The following CDKAL1 variants were observed in gnomAD, a reference collection of about 807,000 sequenced individuals.
CDKAL1 encodes the protein threonylcarbamoyladenosine tRNA methylthiotransferase.
CDKAL1 carries 32 observed loss-of-function variants against 68.2 expected under a neutral mutation model. The ratio of observed to expected loss-of-function variants is 0.47; its 90% CI spans 0.35 to 0.63. The LOEUF (loss-of-function observed/expected upper bound fraction) is 0.63, where lower values mean the gene tolerates loss of function less well. Among genes scored for constraint, CDKAL1 ranks in the 30% least tolerant of loss-of-function variants. The pLI is 0.00. For synonymous variants in CDKAL1, 234 were observed against 244.3 expected (o/e 0.96, Z 0.39); for missense variants, 606 against 696.7 (o/e 0.87, Z 1.47).
At chr6:20,836,649 A>G (rs187836700) in intron 8 of CDKAL1, among the ~76,000 whole-genome samples, 88 of 152,290 alleles carry the variant, frequency 5.8e-4, no homozygotes, top group Non-Finnish European at 6.8e-4. Flanking sequence ...TTTCCATCCA[A>G]ATGTTTCTGA....
At chr6:20,572,358 T>A (rs1764738603) in intron 4 of CDKAL1, among the ~76,000 whole-genome samples, 1 of 152,150 alleles carries the variant, frequency 6.6e-6, no homozygotes, top group African/African-American at 2.4e-5. Context: ...AGTACATTAC[T>A]TTTACCACCT....
intron 11 of CDKAL1, among the ~76,000 whole-genome samples, chr6:21,000,586 A>G (rs1767377105): frequency 6.6e-6 from 1 of 152,118 alleles, no homozygotes; most frequent in Non-Finnish European, 1.5e-5. Flanking sequence ...ATGACACACC[A>G]TTAATTTGTG....
At chr6:20,666,956 A>G (rs867639596) in intron 5 of CDKAL1, among the ~76,000 whole-genome samples, 1 of 152,062 alleles carries the variant, frequency 6.6e-6, no homozygotes, top group South Asian at 2.1e-4. Context: ...TAACTAACTG[A>G]ACATTCTTTA....
chr6:21,150,933 G>A (rs751496385), intron 13 of CDKAL1, among the ~76,000 whole-genome samples: 2 of 152,118 alleles, frequency 1.3e-5, no homozygotes, highest in Non-Finnish European at 2.9e-5. Flanking sequence ...CTGAAACATG[G>A]TTTAAAAATG....
chr6:21,159,695 C>T (rs1182765345), intron 13 of CDKAL1, among the ~76,000 whole-genome samples: 2 of 152,230 alleles, frequency 1.3e-5, no homozygotes, highest in East Asian at 1.9e-4. Flanking sequence ...CTGGTTTACA[C>T]GGTTCTCACA....
At chr6:21,178,781 A>G (rs1465899361) in intron 13 of CDKAL1, among the ~76,000 whole-genome samples, 2 of 152,200 alleles carry the variant, frequency 1.3e-5, no homozygotes, top group East Asian at 3.8e-4. Context: ...CATTTGTTAA[A>G]TGAACTGGTT....
intron 10 of CDKAL1, among the ~76,000 whole-genome samples, chr6:20,966,750 G>A (rs1472733720): frequency 6.6e-6 from 1 of 152,106 alleles, no homozygotes; most frequent in Non-Finnish European, 1.5e-5. Context: ...ATTTTTAAAA[G>A]CATACTCTGT....
At chr6:21,114,190 G>T (rs948083991) in intron 13 of CDKAL1, among the ~76,000 whole-genome samples, 3 of 148,564 alleles carry the variant, frequency 2.0e-5, no homozygotes, top group African/African-American at 7.5e-5. Context: ...GGAGCTTGCA[G>T]TGAGCCGAGA....
intron 7 of CDKAL1, among the ~76,000 whole-genome samples, chr6:20,766,819 T>C (rs1774723718): frequency 6.6e-6 from 1 of 152,146 alleles, no homozygotes; most frequent in South Asian, 2.1e-4. Flanking sequence ...TTTTTCTTAA[T>C]AAATAAATAA....
intron 9 of CDKAL1, among the ~76,000 whole-genome samples, chr6:20,877,770 T>C (rs980868825): frequency 1.1e-4 from 16 of 152,174 alleles, no homozygotes; most frequent in Admixed American, 7.2e-4. Context: ...GAACCTCTTA[T>C]CCTGTTTTGA....
chr6:21,057,149 C>T (rs1278894418), intron 11 of CDKAL1, among the ~76,000 whole-genome samples: 17 of 152,106 alleles, frequency 1.1e-4, no homozygotes. Flanking sequence ...TCCATCTGGT[C>T]CTGGGCTTTT....
In CDKAL1 at chr6:20,878,623, C is replaced by T. The variant is rs896473833; in HGVS notation, c.742+32445C>T. Among the ~76,000 whole-genome samples, 2 of 151,812 alleles carry T rather than the reference C, an allele frequency of 1.3e-5. 1 individual carries two copies. Among genetic ancestry groups the T allele is most frequent in the African/African-American group, 4.8e-5 (2 of 41,290 alleles). ...GGGTGTGGTGATGCATGCCTGTAAT[C>T]CCAGCTATTCAGGAGGCTGAGGCGC... On this transcript the variant is annotated intron_variant, in intron 9 of 15. Transcript: ENST00000274695.
intron 4 of CDKAL1, among the ~76,000 whole-genome samples, chr6:20,604,037 T>C (rs1329950234): frequency 6.6e-6 from 1 of 151,638 alleles, no homozygotes; most frequent in African/African-American, 2.4e-5. Flanking sequence ...AGGGAAGAGG[T>C]GTGTGGATAG....
chr6:21,094,772 C>T (rs1437873630), intron 12 of CDKAL1, among the ~76,000 whole-genome samples: 5 of 152,084 alleles, frequency 3.3e-5, no homozygotes, highest in Non-Finnish European at 2.9e-5. Context: ...AGAGCAGATA[C>T]GCAAATCTTT....
chr6:20,627,970 A>G (rs971105050), intron 4 of CDKAL1, among the ~76,000 whole-genome samples: 3 of 152,120 alleles, frequency 2.0e-5, no homozygotes, highest in African/African-American at 4.8e-5. Context: ...ACTTTATTCT[A>G]GGAGTTTTTT....
intron 7 of CDKAL1, among the ~76,000 whole-genome samples, chr6:20,760,004 T>C (rs1261306705): frequency 6.6e-6 from 1 of 152,148 alleles, no homozygotes; most frequent in Non-Finnish European, 1.5e-5. Context: ...TCTACTACTT[T>C]CCACATGCTT....
intron 13 of CDKAL1, among the ~76,000 whole-genome samples, chr6:21,148,087 G>C (rs1776262681): frequency 6.6e-6 from 1 of 152,208 alleles, no homozygotes; most frequent in Admixed American, 6.5e-5. Flanking sequence ...CCTAGCTCCT[G>C]AGTTTTTTAA....
chr6:20,540,579 C>T (rs1763352677), intron 2 of CDKAL1, among the ~76,000 whole-genome samples: 1 of 151,840 alleles, frequency 6.6e-6, no homozygotes, highest in Admixed American at 6.6e-5. Flanking sequence ...TTTCAGTCTC[C>T]CGAGTAGGTG....
chr6:21,055,096 G>A (rs903188706), intron 11 of CDKAL1, among the ~76,000 whole-genome samples: 1 of 152,074 alleles, frequency 6.6e-6, no homozygotes, highest in Non-Finnish European at 1.5e-5. Context: ...AAAGTTTTCT[G>A]AATCTGTTAA....
Sources: allele counts gnomAD v4.1 joint callset (sites outside exome capture counted in the v4.1 genomes callset), GRCh38; gene constraint gnomAD v4.1.1; transcripts MANE v1.5; gene names NCBI Gene and HGNC (gene_info 2026-07-23, HGNC 2026-07-21).